SFSWAP: variants seen among roughly 807,000 people sequenced by gnomAD.
SFSWAP encodes the protein splicing factor, suppressor of white-apricot homolog.
In SFSWAP, 17 loss-of-function variants were observed where a neutral mutation model predicts 100.7. That is an observed-to-expected ratio of 0.17 (90% CI 0.12 to 0.25). The LOEUF is 0.25. Ranked by LOEUF, SFSWAP falls within the 10% of genes least tolerant of loss-of-function variation. The pLI, the probability that SFSWAP is intolerant of heterozygous loss-of-function variation, is 1.00. For missense variants in SFSWAP, 1,005 were observed against 1,262.6 expected, an observed-to-expected ratio of 0.80 and a Z score of 3.09; for synonymous variants, 504 against 510.1, an observed-to-expected ratio of 0.99 and a Z score of 0.16.
intron 16 of SFSWAP, among the ~76,000 whole-genome samples, chr12:131,798,592 T>C (rs1885843399): frequency 6.6e-6 from 1 of 152,196 alleles, no homozygotes; most frequent in Admixed American, 6.5e-5. Flanking sequence ...CCAAGTTTTA[T>C]TGAAGGATAC....
rs754701096 is a variant in SFSWAP, at chr12:131,711,424, G to A, written c.195G>A (p.Gly65=). 1.9e-6 allele frequency: 3 copies of A among 1,613,510 alleles called. No homozygotes were observed. Among genetic ancestry groups the A allele is most frequent in the Non-Finnish European group, 1.7e-6 (2 of 1,179,964 alleles). The change falls in exon 1 of 18, where the codon GGG becomes GGA. Residue 65 remains glycine, a synonymous_variant. Coordinates refer to ENST00000261674, the MANE Select transcript of SFSWAP (RefSeq NM_004592.4). This position sits in a 1 kb window ranked among gnomAD's most constrained non-coding sequence, Gnocchi z 4.9. ...GACAGCACCTCATCCCCTGGATGGG[G>A]GACCACAAGATCCTCATCGACAGGT... ...EQGQHLIPWM[G]DHKILIDRYD...
chr12:131,774,599 G>T (rs1473984891), intron 13 of SFSWAP, among the ~76,000 whole-genome samples: 1 of 152,164 alleles, frequency 6.6e-6, no homozygotes, highest in Non-Finnish European at 1.5e-5. Flanking sequence ...TATTAAAAAT[G>T]CATCTCAAAG....
intron 7 of SFSWAP, among the ~76,000 whole-genome samples, chr12:131,749,106 T>C (rs1447310454): frequency 1.3e-5 from 2 of 152,354 alleles, no homozygotes; most frequent in East Asian, 3.9e-4. Flanking sequence ...GGCTTCGTGT[T>C]AGATGATGTC....
At chr12:131,712,997 C>T (rs1877527510) in intron 1 of SFSWAP, 2 of 152,084 alleles carry the variant, frequency 1.3e-5, no homozygotes. Context: ...ACATCAAAAT[C>T]CAATTAATTT....
chr12:131,756,738 C>A, intron 11 of SFSWAP, 94 bp downstream of exon 11: 1 of 1,182,706 alleles, frequency 8.5e-7, no homozygotes, highest in Non-Finnish European at 1.2e-6. Flanking sequence ...CCCTCACCTG[C>A]AGGCTGGGGT....
intron 4 of SFSWAP, among the ~76,000 whole-genome samples, chr12:131,722,224 G>A (rs1172016451): frequency 6.6e-6 from 1 of 152,194 alleles, no homozygotes; most frequent in African/African-American, 2.4e-5. Flanking sequence ...ATGATGACAG[G>A]ATCCTTGAGG....
intron 15 of SFSWAP, among the ~76,000 whole-genome samples, chr12:131,790,895 A>G (rs1773000290): frequency 6.6e-6 from 1 of 152,254 alleles, no homozygotes; most frequent in Non-Finnish European, 1.5e-5. Flanking sequence ...ACAAAAATGT[A>G]GCTAAAAAGC....
intron 14 of SFSWAP, chr12:131,784,393 G>A (rs1884746215): frequency 6.6e-6 from 1 of 152,154 alleles, no homozygotes; most frequent in Non-Finnish European, 1.5e-5. Context: ...TGGAGGAAGT[G>A]GAGTAGATGA....
intron 11 of SFSWAP, among the ~76,000 whole-genome samples, chr12:131,762,756 A>G (rs886717090): frequency 6.6e-6 from 1 of 152,068 alleles, no homozygotes; most frequent in South Asian, 2.1e-4. Context: ...GCCCGCCACC[A>G]CACCCAGCTA....
At chr12:131,752,011 ATTAAT>A (rs1881703533) in intron 7 of SFSWAP, among the ~76,000 whole-genome samples, 1 of 152,220 alleles carries the variant, frequency 6.6e-6, no homozygotes, top group South Asian at 2.1e-4. Flanking sequence ...ATCATGTATA[ATTAAT>A]TTAAATAAGT....
intron 15 of SFSWAP, chr12:131,796,047 AG>A (rs1885649874): frequency 3.7e-4 from 2 of 5,450 alleles, no homozygotes. Flanking sequence ...GGGAGCGGAG[AG>A]GGGGAGGGGA....
chr12:131,711,277 C>T lies in SFSWAP; in HGVS notation c.48C>T (p.Gly16=), dbSNP rs773100332. 2.8e-5 allele frequency: 45 copies of T among 1,611,840 alleles called. No individual in the cohort carries two copies. The highest frequency in any genetic ancestry group is 6.7e-5 in the Admixed American group (4 of 59,908). ...GCGCCAAACCCGAGAGGAAAAGCGG[C>T]GCGAAGGAGGAGGCCGGGCCAGGCG... ...GGRAKPERKS[G]AKEEAGPGGA... Residue 16 remains glycine (G), a synonymous_variant, in exon 1 of 18, where the codon GGC becomes GGT. Transcript: ENST00000261674. The surrounding 1 kb of genome is among the most constrained non-coding windows in gnomAD (Gnocchi z 4.9).
At chr12:131,750,185 A>G (rs901146180) in intron 7 of SFSWAP, among the ~76,000 whole-genome samples, 3 of 152,168 alleles carry the variant, frequency 2.0e-5, no homozygotes, top group Non-Finnish European at 4.4e-5. Flanking sequence ...CACATCCCTG[A>G]CACCCTATGA....
chr12:131,727,268 G>T (rs1593117681), intron 6 of SFSWAP, among the ~76,000 whole-genome samples: 1 of 152,206 alleles, frequency 6.6e-6, no homozygotes, highest in Non-Finnish European at 1.5e-5. Context: ...GTGAGCATTT[G>T]CTCAGGATAA....
At chr12:131,750,109 G>A (rs545589112) in intron 7 of SFSWAP, among the ~76,000 whole-genome samples, 1 of 152,322 alleles carries the variant, frequency 6.6e-6, no homozygotes, top group African/African-American at 2.4e-5. Flanking sequence ...ACTTGTGCCC[G>A]TCCTGCCTCC....
intron 7 of SFSWAP, among the ~76,000 whole-genome samples, chr12:131,748,133 A>G (rs1206961162): frequency 2.6e-5 from 4 of 152,108 alleles, no homozygotes; most frequent in Non-Finnish European, 4.4e-5. Flanking sequence ...CACAGGGGCC[A>G]TCTCTTTAAC....
Position 131,797,283 on chromosome 12 carries a change from GGCCCCC to G in SFSWAP, c.2643_2648del (p.Pro882_Ala883del). ...GCAAGCAGGCAGCGCCCCGGCCCGCGGCCCCCGCGGCCCACTCGGCGCACTCAGCCA... is the reference window on the plus strand; with the variant it reads ...GCAAGCAGGCAGCGCCCCGGCCCGCGGCGGCCCACTCGGCGCACTCAGCCA... On this transcript the variant is annotated inframe_deletion, in exon 16 of 18. Coordinates refer to ENST00000261674, the MANE Select transcript of SFSWAP (RefSeq NM_004592.4). The G allele has an allele frequency of 1.2e-6, 2 of 1,611,322 alleles. No homozygotes were observed. Among genetic ancestry groups the G allele is most frequent in the South Asian group, 2.2e-5 (2 of 90,948 alleles).
intron 4 of SFSWAP, among the ~76,000 whole-genome samples, chr12:131,724,561 C>G (rs1292746195): frequency 6.6e-6 from 1 of 152,168 alleles, no homozygotes; most frequent in East Asian, 1.9e-4. Context: ...AGAATAATTG[C>G]CAGATTTATT....
chr12:131,790,227 C>T (rs1885153548), intron 15 of SFSWAP, among the ~76,000 whole-genome samples: 2 of 152,282 alleles, frequency 1.3e-5, no homozygotes, highest in East Asian at 3.9e-4. Flanking sequence ...ACATTGTCTC[C>T]AGTTTGGCCA....
Sources: gnomAD v4.1 joint callset for allele counts (sites outside exome capture counted in the v4.1 genomes callset) on GRCh38, gnomAD v4.1.1 for gene constraint, Gnocchi (gnomAD v3.1) non-coding constraint, MANE v1.5 for transcripts, NCBI Gene and HGNC (gene_info 2026-07-23, HGNC 2026-07-21) for gene names.